CCL23: variants seen among roughly 807,000 people sequenced by gnomAD.
CCL23 encodes C-C motif chemokine 23.
CCL23 carries 10 observed loss-of-function variants against 11.8 expected under a neutral mutation model. The ratio of observed to expected loss-of-function variants is 0.84; its 90% CI spans 0.52 to 1.43. The LOEUF (loss-of-function observed/expected upper bound fraction) is 1.43. CCL23 is among the 40% of genes most tolerant of loss of function. The pLI is 0.00. For missense variants in CCL23, 181 were observed against 170.9 expected (o/e 1.06, Z -0.33); for synonymous variants, 60 against 61.0 (o/e 0.98, Z 0.07).
chr17:36,013,948 T>C, intron 2 of CCL23, 39 bp from the exon 3 acceptor site: 1 of 1,599,432 alleles, frequency 6.3e-7, no homozygotes, highest in Non-Finnish European at 8.6e-7. Context: ...AGAAGAGATG[T>C]TTCCTCCTCC....
chr17:36,014,337 C>T lies in CCL23; in HGVS notation c.133G>A (p.Asp45Asn). Residue 45 changes from aspartate (D) to asparagine (N), a missense_variant, in exon 2 of 4, where the codon GAC (aspartate) becomes AAC (asparagine). By Grantham distance (23) the Asp-to-Asn change is conservative. Coordinates refer to ENST00000615050, the MANE Select transcript of CCL23 (RefSeq NM_005064.6). ...TATGCCGTATCTGATCACTTACTGT[C>T]CAGAAGTACTGGATTTTCCAATGGA... is the stretch of plus-strand genomic sequence containing the variant. ...KLPLENPVLLDMLWRRKIGPQ... is the reference protein window; with the variant it reads ...KLPLENPVLLNMLWRRKIGPQ... 1 of 1,609,188 alleles carries T rather than the reference C, an allele frequency of 6.2e-7. No homozygotes were observed. The highest frequency in any genetic ancestry group is 8.5e-7 in the Non-Finnish European group (1 of 1,175,396).
chr17:36,015,958 C>T (rs1048949157), intron 1 of CCL23, among the ~76,000 whole-genome samples: 6 of 151,738 alleles, frequency 4.0e-5, no homozygotes, highest in Admixed American at 2.6e-4. Context: ...GCAGGAGAAT[C>T]GTTTGAACCC....
At chr17:36,016,632 A>G (rs968446530) in intron 1 of CCL23, among the ~76,000 whole-genome samples, 3 of 151,974 alleles carry the variant, frequency 2.0e-5, no homozygotes, top group African/African-American at 7.2e-5. Context: ...TGCAATAAAG[A>G]TACATGTGCA....
chr17:36,013,634 G>T (rs2090074642), intron 3 of CCL23, 110 bp downstream of exon 3: 5 of 1,042,894 alleles, frequency 4.8e-6, no homozygotes, highest in Non-Finnish European at 5.8e-6. Context: ...CCCCATACCT[G>T]GCAGGATCCA....
chr17:36,016,337 C>T (rs760556021), intron 1 of CCL23, among the ~76,000 whole-genome samples: 10 of 152,012 alleles, frequency 6.6e-5, no homozygotes, highest in Non-Finnish European at 1.5e-4. Flanking sequence ...CTCCACTCCC[C>T]GATAGGCCCC....
At chr17:36,017,677 C>T in intron 1 of CCL23, 145 bp downstream of exon 1, 1 of 723,932 alleles carries the variant, frequency 1.4e-6, no homozygotes, top group East Asian at 2.7e-5. Context: ...CAGACAGAAC[C>T]AGGTCTATAC....
intron 2 of CCL23, among the ~76,000 whole-genome samples, 170 bp downstream of exon 2, chr17:36,014,164 G>A (rs1157152749): frequency 6.6e-6 from 1 of 152,168 alleles, no homozygotes; most frequent in African/African-American, 2.4e-5. Context: ...AACAGAGAAG[G>A]CATCTATGGA....
chr17:36,014,186 TAGCCCG>T, intron 2 of CCL23, 142 bp downstream of exon 2: 4 of 478,780 alleles, frequency 8.4e-6, no homozygotes, highest in South Asian at 5.4e-5. Context: ...GGGGTTCCCA[TAGCCCG>T]TCCTGATCTT....
intron 1 of CCL23, among the ~76,000 whole-genome samples, 162 bp downstream of exon 1, chr17:36,017,660 A>G (rs965566559): frequency 6.6e-6 from 1 of 152,142 alleles, no homozygotes; most frequent in African/African-American, 2.4e-5. Context: ...CCAGGGTCCA[A>G]AGCCTGCAGA....
Position 36,013,927 on chromosome 17 carries a change from G to T in CCL23, c.137-18C>A, listed in dbSNP as rs186959176. ...CCAGAGCACTGTGGAGGGTGAGAAG[G>T]CACATGGCTCAGAAGAGATGTTTCC... On this transcript the variant is annotated intron_variant, in intron 2 of 3. Transcript: ENST00000615050. The T allele has an allele frequency of 6.2e-6, 10 of 1,612,692 alleles. No individual in the cohort carries two copies. In the South Asian group the frequency reaches 8.8e-5, roughly 14 times the overall value.
chr17:36,014,393 T>C lies in CCL23; in HGVS notation c.77A>G (p.Asp26Gly), dbSNP rs1447985338. ...ALGSQARVTKDAETEFMMSKL... is the reference protein window; with the variant it reads ...ALGSQARVTKGAETEFMMSKL... ...TGACATCATGAACTCTGTCTCTGCA[T>C]CTGGAAGAAGCAGACAGGACAGGGA... The change falls in exon 2 of 4, where the codon GAT becomes GGT. Residue 26 changes from aspartate (D) to glycine (G), a missense_variant and splice_region_variant. Asp to Gly is a moderately conservative substitution (Grantham distance 94). Transcript: ENST00000615050. 6.2e-7 allele frequency: 1 copy of C among 1,612,866 alleles called. No homozygotes were observed. The highest frequency in any genetic ancestry group is 8.5e-7 in the Non-Finnish European group (1 of 1,178,828).
intron 1 of CCL23, among the ~76,000 whole-genome samples, chr17:36,014,724 T>C (rs2090085315): frequency 6.6e-6 from 1 of 152,196 alleles, no homozygotes; most frequent in Non-Finnish European, 1.5e-5. Flanking sequence ...ATTTCTGGAA[T>C]CCACAGGGCT....
At chr17:36,015,766 G>T in intron 1 of CCL23, among the ~76,000 whole-genome samples, 1 of 152,204 alleles carries the variant, frequency 6.6e-6, no homozygotes, top group East Asian at 1.9e-4. Context: ...GCCGGGTGCG[G>T]TGGCTCACGC....
At chr17:36,016,694 A>G (rs945176717) in intron 1 of CCL23, among the ~76,000 whole-genome samples, 1 of 149,918 alleles carries the variant, frequency 6.7e-6, no homozygotes, top group South Asian at 2.1e-4. Flanking sequence ...AAAAATAAAT[A>G]TACTTTTAAT....
chr17:36,013,235 G>C lies in CCL23; in HGVS notation c.376C>G (p.Leu126Val), dbSNP rs571836898. Residue 126 changes from leucine to valine, a missense_variant, in exon 4 of 4, where the codon CTG (leucine) becomes GTG (valine). By Grantham distance (32) the Leu-to-Val change is conservative (BLOSUM62 1). Transcript: ENST00000615050. ...GTCTTGATCCGTGTGTCCAGCTTCA[G>C]CATTCTCATGCAAACCTGAACTTGC... is the stretch of plus-strand genomic sequence containing the variant. ...DKQVQVCMRM[L>V]KLDTRIKTRK... 1.9e-6 allele frequency: 3 copies of C among 1,613,402 alleles called. No homozygotes were observed. The South Asian group carries it at 3.3e-5, about 18-fold the overall frequency.
rs1209440905 is a variant in CCL23 at position 36,013,261 on chromosome 17, T to C, written c.350A>G (p.Lys117Arg). The change falls in exon 4 of 4, where the codon AAG (lysine) becomes AGG (arginine). Residue 117 changes from lysine (K) to arginine (R), a missense_variant. Coordinates refer to ENST00000615050, the MANE Select transcript of CCL23 (RefSeq NM_005064.6). Reference sequence around the variant, plus strand: ...CATTCTCATGCAAACCTGAACTTGCTTATCACTGGGGTTGGCACAGAAACG... The same window carrying C: ...CATTCTCATGCAAACCTGAACTTGCCTATCACTGGGGTTGGCACAGAAACG... Reference protein sequence around the residue: ...GRRFCANPSDKQVQVCMRMLK... With the variant: ...GRRFCANPSDRQVQVCMRMLK... The C allele has an allele frequency of 6.2e-7, 1 of 1,613,852 alleles. No homozygotes were observed. Among genetic ancestry groups the C allele is most frequent in the Admixed American group, 1.7e-5 (1 of 59,982 alleles).
chr17:36,017,779 TA>T, intron 1 of CCL23, 42 bp downstream of exon 1: 1 of 1,581,110 alleles, frequency 6.3e-7, no homozygotes, highest in Non-Finnish European at 8.7e-7. Flanking sequence ...GAGCTTGAGT[TA>T]CCATGAACCT....
At chr17:36,014,245 C>T in intron 2 of CCL23, 89 bp downstream of exon 2, 1 of 1,005,472 alleles carries the variant, frequency 9.9e-7, no homozygotes, top group Non-Finnish European at 1.6e-6. Context: ...TCATTCTCCT[C>T]CCATTCTGTA....
intron 1 of CCL23, among the ~76,000 whole-genome samples, chr17:36,015,905 A>G (rs2090094423): frequency 1.3e-5 from 2 of 151,908 alleles, no homozygotes; most frequent in African/African-American, 4.8e-5. Context: ...TTAGCTAGGC[A>G]TGGTGGCATG....
Sources: gnomAD v4.1 joint callset for allele counts (sites outside exome capture counted in the v4.1 genomes callset) on GRCh38, gnomAD v4.1.1 for gene constraint, MANE v1.5 for transcripts, NCBI Gene and HGNC (gene_info 2026-07-23, HGNC 2026-07-21) for gene names.